The following AIRE variants were observed in gnomAD, a reference collection of about 807,000 sequenced individuals.
The protein encoded by AIRE is autoimmune polyendocrinopathy candidiasis ectodermal dystrophy protein.
A neutral mutation model predicts 62.1 loss-of-function variants in AIRE; 52 were observed. That is an observed-to-expected ratio of 0.84 (90% CI 0.67 to 1.06). The LOEUF (loss-of-function observed/expected upper bound fraction) is 1.06, where lower values mean the gene tolerates loss of function less well. AIRE is among the 50% of genes least tolerant of loss of function. AIRE has a pLI of 0.00. For synonymous variants in AIRE, 342 were observed against 321.6 expected (o/e 1.06, Z -0.68); for missense variants, 774 against 755.8 (o/e 1.02, Z -0.28).
At position 44,286,923 on chromosome 21, in the gene AIRE, C is replaced by A. The variant is rs2040487791; in HGVS notation, c.308-55C>A. The A allele has an allele frequency of 1.2e-6, 2 of 1,611,318 alleles. No individual in the cohort carries two copies. The highest frequency in any genetic ancestry group is 1.7e-5 in the Admixed American group (1 of 60,018). On this transcript the variant is annotated intron_variant, in intron 2 of 13. Coordinates refer to ENST00000291582, the MANE Select transcript of AIRE (RefSeq NM_000383.4). The surrounding 1 kb of genome is among the most constrained non-coding windows in gnomAD (Gnocchi z 6.0). ...AAGGTGTCCAGTTCTGGGGCCCACC[C>A]TACCCCTGGAGAAAACCCTGAGGTT... is the stretch of plus-strand genomic sequence containing the variant.
chr21:44,297,779 C>A lies in AIRE; in HGVS notation c.*52C>A. On this transcript the variant is annotated 3_prime_UTR_variant, in exon 14 of 14. Coordinates refer to ENST00000291582, the MANE Select transcript of AIRE (RefSeq NM_000383.4). This position sits in a 1 kb window ranked among gnomAD's most constrained non-coding sequence, Gnocchi z 4.8. The stretch of plus-strand genomic sequence containing the variant: ...TGATGAGAGAGTGCTGAGAAGGACA[C>A]CTCCTTCCTCAGTCCTGGAAGCCGG... 6.5e-7 allele frequency: 1 copy of A among 1,536,692 alleles called. No homozygotes were observed. The highest frequency in any genetic ancestry group is 9.0e-7 in the Non-Finnish European group (1 of 1,113,336).
At chr21:44,292,454 G>A (rs1400977959) in intron 9 of AIRE, 53 bp downstream of exon 9, 9 of 1,286,992 alleles carry the variant, frequency 7.0e-6, no homozygotes, top group South Asian at 5.1e-5. Context: ...ACATGGCCAC[G>A]CCCCCTCCTA....
intron 13 of AIRE, 83 bp downstream of exon 13, chr21:44,296,528 AGGACT>A: frequency 7.6e-7 from 1 of 1,314,424 alleles, no homozygotes; most frequent in Non-Finnish European, 1.1e-6. Flanking sequence ...ACTCTGGGGG[AGGACT>A]GCCGGCCCCC....
Position 44,286,974 on chromosome 21 carries a change from G to A in AIRE, c.308-4G>A. ...GGGACCCTGCTCCTGCCCCTGAGCTGCAGATGTGGACCTCAGCCAGCCCCG... is the reference window on the plus strand; with the variant it reads ...GGGACCCTGCTCCTGCCCCTGAGCTACAGATGTGGACCTCAGCCAGCCCCG... On this transcript the variant is annotated splice_polypyrimidine_tract_variant and splice_region_variant and intron_variant, in intron 2 of 13. Coordinates refer to ENST00000291582, the MANE Select transcript of AIRE (RefSeq NM_000383.4). This position sits in a 1 kb window ranked among gnomAD's most constrained non-coding sequence, Gnocchi z 6.0. The A allele has an allele frequency of 6.2e-7, 1 of 1,612,698 alleles. No homozygotes were observed. Among genetic ancestry groups the A allele is most frequent in the Non-Finnish European group, 8.5e-7 (1 of 1,179,938 alleles).
rs1485781827 is a variant in AIRE, at chr21:44,287,961, C to T, written c.538+370C>T. 6.6e-6 allele frequency among the ~76,000 whole-genome samples: 1 copy of T among 152,144 alleles called. No individual in the cohort carries two copies. The highest frequency in any genetic ancestry group is 2.4e-5 in the African/African-American group (1 of 41,434). ...TTCCTGTCCCCTTCTCCTTCCTTCC[C>T]AGGGCACTGGACTCCAGAGACCCCC... On this transcript the variant is annotated intron_variant, in intron 4 of 13. Transcript: ENST00000291582. The surrounding 1 kb of genome is among the most constrained non-coding windows in gnomAD (Gnocchi z 4.3).
intron 7 of AIRE, chr21:44,290,717 G>A (rs1462614802): frequency 2.3e-5 from 31 of 1,371,516 alleles, no homozygotes; most frequent in Non-Finnish European, 2.8e-5. Context: ...GCACAAGGAC[G>A]GTGGGGGCTG....
chr21:44,287,081 G>C lies in AIRE; in HGVS notation c.411G>C (p.Glu137Asp), dbSNP rs751460610. 6.2e-7 allele frequency: 1 copy of C among 1,612,402 alleles called. No homozygotes were observed. Among genetic ancestry groups the C allele is most frequent in the Non-Finnish European group, 8.5e-7 (1 of 1,179,844 alleles). The change falls in exon 3 of 14, where the codon GAG becomes GAC. Residue 137 changes from glutamate (E) to aspartate (D), a missense_variant. Transcript: ENST00000291582. The surrounding 1 kb of genome is among the most constrained non-coding windows in gnomAD (Gnocchi z 4.3). ...RLPTKRKASE[E>D]ARAAAPAALT... Reference sequence around the variant, plus strand: ...CCACCAAGAGGAAGGCCTCAGAAGAGGCTCGAGCTGCCGCGCCAGCAGCCC... The same window carrying C: ...CCACCAAGAGGAAGGCCTCAGAAGACGCTCGAGCTGCCGCGCCAGCAGCCC...
intron 11 of AIRE, 70 bp from the exon 12 acceptor site, chr21:44,294,331 A>G: frequency 1.6e-6 from 1 of 620,468 alleles, no homozygotes; most frequent in Non-Finnish European, 2.2e-6. Flanking sequence ...CCCACACCCC[A>G]CACCCCATAC....
chr21:44,296,538 G>T, intron 13 of AIRE, 93 bp downstream of exon 13: 6 of 1,206,002 alleles, frequency 5.0e-6, no homozygotes, highest in Non-Finnish European at 7.4e-6. Context: ...AGGACTGCCG[G>T]CCCCCACTGC....
chr21:44,288,974 G>A (rs529391183), intron 5 of AIRE: 41 of 169,714 alleles, frequency 2.4e-4, no homozygotes, highest in Admixed American at 1.8e-3. Context: ...CCGTGCCATC[G>A]GGGCATTCCA....
In AIRE at chr21:44,297,439, C is replaced by T. The variant is rs149860200; in HGVS notation, c.1567-217C>T. On this transcript the variant is annotated intron_variant, in intron 13 of 13. Transcript: ENST00000291582. The surrounding 1 kb of genome is among the most constrained non-coding windows in gnomAD (Gnocchi z 4.8). ...CTCGGTCTGGCCTGTGCCATGGGGACCTTGGGCCTCAGTTTCCCCACCTTT... is the reference window on the plus strand; with the variant it reads ...CTCGGTCTGGCCTGTGCCATGGGGATCTTGGGCCTCAGTTTCCCCACCTTT... Among the ~76,000 whole-genome samples the T allele has an allele frequency of 8.4e-4, 127 of 152,090 alleles. No individual in the cohort carries two copies. Among genetic ancestry groups the T allele is most frequent in the Non-Finnish European group, 1.5e-3 (105 of 67,966 alleles).
rs746856788 is a variant in AIRE, at chr21:44,296,406, C to T, written c.1527C>T (p.Pro509=). The change falls in exon 13 of 14, where the codon CCC becomes CCT. Residue 509 remains proline, a synonymous_variant. Coordinates refer to ENST00000291582, the MANE Select transcript of AIRE (RefSeq NM_000383.4). The part of the protein sequence containing the change: ...PAKDDTASHE[P]ALHRDDLESL... ...AGGATGACACTGCCAGTCACGAGCCCGCTCTGCACAGGGATGACCTGGAGT... is the reference window on the plus strand; with the variant it reads ...AGGATGACACTGCCAGTCACGAGCCTGCTCTGCACAGGGATGACCTGGAGT... 4.2e-5 allele frequency: 68 copies of T among 1,612,500 alleles called. No homozygotes were observed. The highest frequency in any genetic ancestry group is 1.3e-4 in the Admixed American group (8 of 59,982).
rs145229178 is a variant in AIRE at position 44,289,026 on chromosome 21, G to A, written c.652+568G>A. On this transcript the variant is annotated intron_variant, in intron 5 of 13. Coordinates refer to ENST00000291582, the MANE Select transcript of AIRE (RefSeq NM_000383.4). ...CGGTGTCTCCTCGGTGCTGGACATG[G>A]GCTGGGAACACCAAGCACAGCCAGG... The A allele has an allele frequency of 6.6e-5, 11 of 165,628 alleles. No individual in the cohort carries two copies. In the East Asian group the frequency reaches 1.8e-3, roughly 28 times the overall value. The allele number at this position is 165,628 out of a possible 1,614,324, so 10.3% of individuals were successfully genotyped here.
At position 44,292,357 on chromosome 21, in the gene AIRE, C is replaced by T. The variant is rs149078622; in HGVS notation, c.1051C>T (p.Arg351Trp). The T allele has an allele frequency of 4.3e-5, 67 of 1,572,296 alleles. 1 individual carries two copies. Among genetic ancestry groups the T allele is most frequent in the East Asian group, 2.1e-4 (9 of 43,042 alleles). Reference sequence around the variant, plus strand: ...GGCAACAGTCCAGGAGGTGCAGCCCCGGGCAGAGGAGCCCCGGCCCCAGGA... The same window carrying T: ...GGCAACAGTCCAGGAGGTGCAGCCCTGGGCAGAGGAGCCCCGGCCCCAGGA... ...LQATVQEVQPRAEEPRPQEPP... is the reference protein window; with the variant it reads ...LQATVQEVQPWAEEPRPQEPP... The change falls in exon 9 of 14, where the codon CGG becomes TGG. Residue 351 changes from arginine to tryptophan, a missense_variant. By Grantham distance (101) the Arg-to-Trp change is moderately radical (BLOSUM62 -3). Coordinates refer to ENST00000291582, the MANE Select transcript of AIRE (RefSeq NM_000383.4).
rs553622381 is a variant in AIRE, at chr21:44,297,897, C to T, written c.*170C>T. On this transcript the variant is annotated 3_prime_UTR_variant, in exon 14 of 14. Transcript: ENST00000291582. This position sits in a 1 kb window ranked among gnomAD's most constrained non-coding sequence, Gnocchi z 4.8. ...TCTGGGGACACCAGCCATCATGTGC[C>T]TGGAAATTAAACCCTGCCCCACTTC... 2.9e-6 allele frequency: 2 copies of T among 686,496 alleles called. No homozygotes were observed. Among genetic ancestry groups the T allele is most frequent in the Non-Finnish European group, 5.2e-6 (2 of 388,100 alleles). The allele number at this position is 686,496 out of a possible 1,614,324, so 42.5% of individuals were successfully genotyped here.
chr21:44,296,001 T>C (rs2040603181), intron 12 of AIRE, among the ~76,000 whole-genome samples: 1 of 152,054 alleles, frequency 6.6e-6, no homozygotes, highest in African/African-American at 2.4e-5. Flanking sequence ...CGCTCACCTA[T>C]AGTGTGGGCT....
intron 6 of AIRE, 89 bp from the exon 7 acceptor site, chr21:44,289,899 G>T (rs2040518930): frequency 3.1e-6 from 5 of 1,604,446 alleles, no homozygotes. Flanking sequence ...GGGGGCTGGG[G>T]GCTGCTGCCG....
Position 44,287,717 on chromosome 21 carries a change from A to C in AIRE, c.538+126A>C. 1 of 1,024,980 alleles carries C rather than the reference A, an allele frequency of 9.8e-7. No homozygotes were observed. The highest frequency in any genetic ancestry group is 1.5e-6 in the Non-Finnish European group (1 of 680,354). The allele number at this position is 1,024,980 out of a possible 1,614,324, so 63.5% of individuals were successfully genotyped here. A position where few individuals can be genotyped will look rare whatever the true frequency, so the allele number is the denominator to read the frequency against. The stretch of plus-strand genomic sequence containing the variant: ...TGGGGACGTGCTGGCCTGGTGTGTC[A>C]TTCCAAGGGCCTAAGCTGCACCACC... On this transcript the variant is annotated intron_variant, in intron 4 of 13. Transcript: ENST00000291582. This position sits in a 1 kb window ranked among gnomAD's most constrained non-coding sequence, Gnocchi z 4.3.
In AIRE at chr21:44,293,680, C is replaced by T. The variant is rs1005236812; in HGVS notation, c.1279-109C>T. 1.6e-5 allele frequency: 25 copies of T among 1,528,034 alleles called. 1 individual carries two copies. Among genetic ancestry groups the T allele is most frequent in the East Asian group, 9.5e-5 (4 of 41,958 alleles). 94.7% of individuals were successfully genotyped at this position (1,528,034 alleles called of 1,614,324 possible). A position where few individuals can be genotyped will look rare whatever the true frequency, so the allele number is the denominator to read the frequency against. On this transcript the variant is annotated intron_variant, in intron 10 of 13. Transcript: ENST00000291582. ...GAGGCTCCTCACTTGCGCCTAGACC[C>T]GCCGTCCAGCCCTGGGTGGTCCCAG...
Sources: allele counts gnomAD v4.1 joint callset (sites outside exome capture counted in the v4.1 genomes callset), GRCh38; gene constraint gnomAD v4.1.1; non-coding constraint Gnocchi (gnomAD v3.1); transcripts MANE v1.5; gene names NCBI Gene and HGNC (gene_info 2026-07-23, HGNC 2026-07-21).